The following POU2F3 variants were observed in gnomAD, a reference collection of about 807,000 sequenced individuals.
POU2F3 encodes the protein POU class 2 homeobox 3, also known as POU domain, class 2, transcription factor 3.
Under a neutral mutation model 59.2 loss-of-function variants are expected in POU2F3, and 23 were observed. The ratio of observed to expected loss-of-function variants is 0.39; its 90% CI spans 0.28 to 0.55. The LOEUF is 0.55. Ranked by LOEUF, POU2F3 falls within the 20% of genes least tolerant of loss-of-function variation. The pLI, the probability that POU2F3 is intolerant of heterozygous loss-of-function variation, is 0.66. For missense variants in POU2F3, 473 were observed against 544.5 expected (o/e 0.87, Z 1.31); for synonymous variants, 190 against 214.6 (o/e 0.89, Z 1.00).
At chr11:120,248,088 C>T (rs1452831912) in intron 2 of POU2F3, among the ~76,000 whole-genome samples, 2 of 152,084 alleles carry the variant, frequency 1.3e-5, no homozygotes, top group African/African-American at 2.4e-5. Flanking sequence ...GTGTTATGGT[C>T]AATATGAGCA....
chr11:120,268,336 G>A (rs576839393), intron 2 of POU2F3, among the ~76,000 whole-genome samples: 1 of 151,860 alleles, frequency 6.6e-6, no homozygotes, highest in African/African-American at 2.4e-5. Context: ...TTCCTCTTAT[G>A]TATTTATTTA....
chr11:120,242,332 G>T (rs1938699760), intron 1 of POU2F3, among the ~76,000 whole-genome samples: 1 of 152,116 alleles, frequency 6.6e-6, no homozygotes, highest in Non-Finnish European at 1.5e-5. Context: ...CTTCTTTGTA[G>T]GGTCTTCCAG....
intron 2 of POU2F3, among the ~76,000 whole-genome samples, chr11:120,267,689 T>C (rs1939888180): frequency 6.6e-6 from 1 of 152,216 alleles, no homozygotes; most frequent in African/African-American, 2.4e-5. Context: ...CTCAGGTGTT[T>C]CTTGAGCCTC....
At chr11:120,238,827 T>TA (rs56948018), upstream of POU2F3, among the ~76,000 whole-genome samples, 2,040 of 48,316 alleles carry the variant, frequency 0.042, 161 homozygotes, top group Middle Eastern at 0.061. Flanking sequence ...AGACTCTGTC[T>TA]AAAAAAAAAA....
Position 120,242,656 on chromosome 11 carries a change from A to G in POU2F3, c.28+2285A>G, listed in dbSNP as rs187458969. Among the ~76,000 whole-genome samples, 862 of 151,968 alleles carry G rather than the reference A, an allele frequency of 5.7e-3. 9 individuals carry two copies. The highest frequency in any genetic ancestry group is 0.042 in the South Asian group (200 of 4,802). On this transcript the variant is annotated intron_variant, in intron 1 of 12. Transcript: ENST00000543440. ...GCATAGGCTTGCTCCCGGGTCGCCC[A>G]CTCCAAGGGCTCCACTCGCACTGAG...
At chr11:120,236,714 G>A (rs57139584), upstream of POU2F3, 9 of 1,484,562 alleles carry the variant, frequency 6.1e-6, no homozygotes, top group African/African-American at 2.8e-5. Context: ...AGGGGTAAAG[G>A]AGTTCTCTAC....
rs564072854 is a variant in POU2F3, at chr11:120,271,901, G to A, written c.132+2657G>A. On this transcript the variant is annotated intron_variant, in intron 3 of 12. Transcript: ENST00000543440. The stretch of plus-strand genomic sequence containing the variant: ...GACAGATCTTTCCTTTAAAGAGGGT[G>A]GAGGGAATTTTGGAGGAAGAGACAC... Among the ~76,000 whole-genome samples the A allele has an allele frequency of 8.5e-5, 13 of 152,242 alleles. No individual in the cohort carries two copies. In the South Asian group the frequency reaches 2.7e-3, roughly 32 times the overall value.
chr11:120,263,176 G>A lies in POU2F3; in HGVS notation c.98-6034G>A, dbSNP rs1394482388. Among the ~76,000 whole-genome samples the A allele has an allele frequency of 2.0e-5, 3 of 151,978 alleles. No individual in the cohort carries two copies. The East Asian group carries it at 5.8e-4, about 29-fold the overall frequency. On this transcript the variant is annotated intron_variant, in intron 2 of 12. Transcript: ENST00000543440. ...CCAGCTAATTTTTGTATTTTTAGTA[G>A]AGACGTCGTTTCACCATGTTGATCA...
At chr11:120,264,232 C>CAA (rs1491039851) in intron 2 of POU2F3, among the ~76,000 whole-genome samples, 11 of 143,302 alleles carry the variant, frequency 7.7e-5, no homozygotes, top group Non-Finnish European at 6.1e-5. Flanking sequence ...CACACACACA[C>CAA]AATTAGCTGA....
chr11:120,289,209 T>C (rs1160442213), intron 3 of POU2F3, among the ~76,000 whole-genome samples: 1 of 152,148 alleles, frequency 6.6e-6, no homozygotes, highest in African/African-American at 2.4e-5. Flanking sequence ...CCTGGAAGCA[T>C]TCAACAGACA....
At position 120,252,534 on chromosome 11, in the gene POU2F3, C is replaced by T. The variant is rs562847709; in HGVS notation, c.97+6017C>T. Among the ~76,000 whole-genome samples, 650 of 152,224 alleles carry T rather than the reference C, an allele frequency of 4.3e-3. 2 individuals are homozygous for T. Among genetic ancestry groups the T allele is most frequent in the Non-Finnish European group, 7.0e-3 (478 of 68,002 alleles). ...TGTTCTGCCCTTCTCAGAGTGGCTC[C>T]CACCCCACCTTGTTTCTGCTTTCTG... On this transcript the variant is annotated intron_variant, in intron 2 of 12. Coordinates refer to ENST00000543440, the MANE Select transcript of POU2F3 (RefSeq NM_014352.4).
intron 3 of POU2F3, among the ~76,000 whole-genome samples, chr11:120,288,171 GC>G (rs1167337369): frequency 6.9e-6 from 1 of 145,856 alleles, no homozygotes; most frequent in Admixed American, 7.2e-5. Context: ...GCAGTCTGGG[GC>G]CATACAGTAC....
At chr11:120,311,783 G>A (rs1290453619) in intron 10 of POU2F3, among the ~76,000 whole-genome samples, 5 of 152,162 alleles carry the variant, frequency 3.3e-5, no homozygotes, top group Non-Finnish European at 1.5e-5. Flanking sequence ...TCCTGGGTGA[G>A]GAGGAACTCG....
chr11:120,309,584 C>G lies in POU2F3; in HGVS notation c.1066C>G (p.Leu356Val). The G allele has an allele frequency of 6.2e-7, 1 of 1,612,766 alleles. No individual in the cohort carries two copies. Among genetic ancestry groups the G allele is most frequent in the East Asian group, 2.2e-5 (1 of 44,838 alleles). Residue 356 changes from leucine to valine, a missense_variant and splice_region_variant, in exon 10 of 13, where the codon CTG (leucine) becomes GTG (valine). By Grantham distance (32) the Leu-to-Val change is conservative. Transcript: ENST00000543440. ...CAAACCACCTGTCTACAACTCCCGG[C>G]TGGTGAGTGGCCAGGAACCAAGCTG... The part of the protein sequence containing the change: ...PIKPPVYNSR[L>V]VSPSGSLGPL...
At chr11:120,284,356 C>T (rs1940699514) in intron 3 of POU2F3, among the ~76,000 whole-genome samples, 1 of 152,168 alleles carries the variant, frequency 6.6e-6, no homozygotes. Context: ...ACAAAACCTG[C>T]CCCCTTTTCC....
At position 120,305,631 on chromosome 11, in the gene POU2F3, T is replaced by C. The variant is rs1565386703; in HGVS notation, c.628-13T>C. On this transcript the variant is annotated splice_polypyrimidine_tract_variant and intron_variant, in intron 7 of 12. Coordinates refer to ENST00000543440, the MANE Select transcript of POU2F3 (RefSeq NM_014352.4). Reference sequence around the variant, plus strand: ...TGCCTCTCATGTTCCTCCCCCTCGGTCCCCACGCTTAGGGAGATGTGGGGC... The same window carrying C: ...TGCCTCTCATGTTCCTCCCCCTCGGCCCCCACGCTTAGGGAGATGTGGGGC... The C allele has an allele frequency of 6.2e-7, 1 of 1,613,172 alleles. No individual in the cohort carries two copies. The highest frequency in any genetic ancestry group is 1.1e-5 in the South Asian group (1 of 90,970).
At chr11:120,237,561 A>G (rs1938533670), upstream of POU2F3, among the ~76,000 whole-genome samples, 1 of 152,210 alleles carries the variant, frequency 6.6e-6, no homozygotes, top group Non-Finnish European at 1.5e-5. Context: ...GGAAAACTAA[A>G]GCCCAGAGAA....
At chr11:120,273,483 C>A (rs1940167044) in intron 3 of POU2F3, among the ~76,000 whole-genome samples, 1 of 152,142 alleles carries the variant, frequency 6.6e-6, no homozygotes, top group South Asian at 2.1e-4. Flanking sequence ...GTCTCCCTTG[C>A]TGGGTTAGGC....
chr11:120,293,521 A>G (rs1941099463), intron 3 of POU2F3, among the ~76,000 whole-genome samples: 1 of 152,214 alleles, frequency 6.6e-6, no homozygotes, highest in Non-Finnish European at 1.5e-5. Flanking sequence ...GGAGAAAGAA[A>G]AAAAAATCTT....
Sources: allele counts gnomAD v4.1 joint callset (sites outside exome capture counted in the v4.1 genomes callset), GRCh38; gene constraint gnomAD v4.1.1; transcripts MANE v1.5; gene names NCBI Gene and HGNC (gene_info 2026-07-23, HGNC 2026-07-21).